The following TBXAS1 variants were observed in gnomAD, a reference collection of about 807,000 sequenced individuals.
TBXAS1 encodes thromboxane-A synthase.
Under a neutral mutation model 60.7 loss-of-function variants are expected in TBXAS1, and 48 were observed. The observed-to-expected ratio is 0.79, with a 90% CI of 0.63 to 1.01. The LOEUF (loss-of-function observed/expected upper bound fraction) is 1.01, where lower values mean the gene tolerates loss of function less well. Among genes scored for constraint, TBXAS1 ranks in the 50% least tolerant of loss-of-function variants. TBXAS1 has a pLI of 0.00. For missense variants in TBXAS1, 685 were observed against 686.3 expected (o/e 1.00, Z 0.02); for synonymous variants, 287 against 269.7 (o/e 1.06, Z -0.63).
At chr7:139,903,557 A>G (rs1378047408) in intron 3 of TBXAS1, among the ~76,000 whole-genome samples, 2 of 152,076 alleles carry the variant, frequency 1.3e-5, no homozygotes, top group African/African-American at 2.4e-5. Context: ...TTACAGTCCC[A>G]CCAGCAGGGT....
At chr7:139,981,366 T>C (rs1275450048) in intron 9 of TBXAS1, among the ~76,000 whole-genome samples, 2 of 152,208 alleles carry the variant, frequency 1.3e-5, no homozygotes, top group African/African-American at 4.8e-5. Flanking sequence ...TCCGCCTGCG[T>C]CGGCCTCCCA....
chr7:139,894,679 C>G (rs900744259), intron 3 of TBXAS1, among the ~76,000 whole-genome samples: 9 of 152,080 alleles, frequency 5.9e-5, no homozygotes, highest in African/African-American at 2.2e-4. Flanking sequence ...AAGGTGTGTC[C>G]CCCTTCTTCC....
intron 4 of TBXAS1, among the ~76,000 whole-genome samples, chr7:139,926,072 G>A (rs1177634936): frequency 6.6e-6 from 1 of 152,088 alleles, no homozygotes; most frequent in East Asian, 1.9e-4. Context: ...GTGTTCTTCA[G>A]GGATATTGGC....
chr7:139,811,983 G>A (rs1464483508), intron 4 of TBXAS1, among the ~76,000 whole-genome samples: 4 of 152,170 alleles, frequency 2.6e-5, no homozygotes, highest in Admixed American at 6.5e-5. Flanking sequence ...TCATAAATCC[G>A]GGCCTCAATG....
intron 1 of TBXAS1, among the ~76,000 whole-genome samples, chr7:139,850,379 A>G (rs1365298240): frequency 6.6e-6 from 1 of 152,242 alleles, no homozygotes; most frequent in Non-Finnish European, 1.5e-5. Flanking sequence ...AAAGCACAAC[A>G]TGAAAAAAGA....
intron 9 of TBXAS1, among the ~76,000 whole-genome samples, chr7:140,006,265 T>C (rs1340686657): frequency 1.3e-5 from 2 of 152,144 alleles, no homozygotes; most frequent in Admixed American, 1.3e-4. Flanking sequence ...TAAGCTTCCT[T>C]AATCCCAGTG....
chr7:139,853,565 G>C (rs1800371536), intron 1 of TBXAS1, among the ~76,000 whole-genome samples: 1 of 152,088 alleles, frequency 6.6e-6, no homozygotes, highest in South Asian at 2.1e-4. Flanking sequence ...GAAGCACTCA[G>C]CCGGGCTCCT....
chr7:139,967,032 C>G (rs1327310580), intron 9 of TBXAS1, among the ~76,000 whole-genome samples: 1 of 152,248 alleles, frequency 6.6e-6, no homozygotes, highest in Non-Finnish European at 1.5e-5. Flanking sequence ...GTCTGAAGTC[C>G]TCACTGCATA....
At chr7:139,866,891 G>T (rs916401451) in intron 1 of TBXAS1, among the ~76,000 whole-genome samples, 3 of 152,190 alleles carry the variant, frequency 2.0e-5, no homozygotes, top group Admixed American at 2.0e-4. Flanking sequence ...CTCCCTGATA[G>T]TTCTAGCTTT....
Position 140,007,046 on chromosome 7 carries a change from T to A in TBXAS1, c.1135-45T>A, listed in dbSNP as rs758318165. On this transcript the variant is annotated intron_variant, in intron 9 of 12. Transcript: ENST00000448866. Reference sequence around the variant, plus strand: ...AGGAAAAGACAAAATGCTGTGAGATTTGGGCTAACACGAACTTCTCCCTTT... The same window carrying A: ...AGGAAAAGACAAAATGCTGTGAGATATGGGCTAACACGAACTTCTCCCTTT... 3.3e-6 allele frequency: 5 copies of A among 1,536,882 alleles called. No homozygotes were observed. The African/African-American group carries it at 5.5e-5, about 17-fold the overall frequency.
intron 1 of TBXAS1, among the ~76,000 whole-genome samples, chr7:139,835,108 C>G (rs1798973267): frequency 6.6e-6 from 1 of 151,452 alleles, no homozygotes; most frequent in Non-Finnish European, 1.5e-5. Flanking sequence ...GCTCTGTCGC[C>G]CAGGCTGGAG....
chr7:139,879,566 C>A (rs1760379483), intron 3 of TBXAS1, among the ~76,000 whole-genome samples: 1 of 151,968 alleles, frequency 6.6e-6, no homozygotes, highest in Non-Finnish European at 1.5e-5. Flanking sequence ...ACATTATCGT[C>A]ATACATTGGT....
At chr7:139,997,002 T>C (rs1407891382) in intron 9 of TBXAS1, among the ~76,000 whole-genome samples, 1 of 152,238 alleles carries the variant, frequency 6.6e-6, no homozygotes, top group Non-Finnish European at 1.5e-5. Context: ...ATCCTACATG[T>C]CGTTGTCAGA....
At chr7:139,780,371 T>G (rs1400088681) in intron 1 of TBXAS1, among the ~76,000 whole-genome samples, 6 of 152,236 alleles carry the variant, frequency 3.9e-5, no homozygotes, top group Non-Finnish European at 7.3e-5. Flanking sequence ...CCATGGGTGG[T>G]TAGTGGCTAC....
chr7:139,790,138 C>T (rs959774540), intron 4 of TBXAS1, among the ~76,000 whole-genome samples: 2 of 152,222 alleles, frequency 1.3e-5, no homozygotes, highest in South Asian at 2.1e-4. Context: ...CTTTATCACA[C>T]GTACCTGTGA....
chr7:139,817,035 T>C (rs1798165811), intron 4 of TBXAS1, among the ~76,000 whole-genome samples: 1 of 152,114 alleles, frequency 6.6e-6, no homozygotes, highest in African/African-American at 2.4e-5. Flanking sequence ...CTGGACTCCC[T>C]CCTCTCCTTG....
At chr7:139,885,911 G>A (rs571147139) in intron 3 of TBXAS1, among the ~76,000 whole-genome samples, 2 of 152,260 alleles carry the variant, frequency 1.3e-5, no homozygotes, top group African/African-American at 4.8e-5. Context: ...ACACACCACC[G>A]CATACACGTT....
chr7:140,005,290 A>G (rs1304692518), intron 9 of TBXAS1, among the ~76,000 whole-genome samples: 2 of 152,146 alleles, frequency 1.3e-5, no homozygotes, highest in Admixed American at 6.5e-5. Context: ...TTAGCCAGGC[A>G]TGGTGGCAGA....
intron 1 of TBXAS1, among the ~76,000 whole-genome samples, chr7:139,846,885 G>C: frequency 6.6e-6 from 1 of 152,106 alleles, no homozygotes; most frequent in Non-Finnish European, 1.5e-5. Context: ...GAAATGATGG[G>C]GTGGGAGGGC....
Sources: gnomAD v4.1 joint callset for allele counts (sites outside exome capture counted in the v4.1 genomes callset) on GRCh38, gnomAD v4.1.1 for gene constraint, MANE v1.5 for transcripts, NCBI Gene and HGNC (gene_info 2026-07-23, HGNC 2026-07-21) for gene names.